Variants in COL6A5 observed in about 807,000 individuals in gnomAD.
The protein encoded by COL6A5 is collagen alpha-5(VI) chain.
A neutral mutation model predicts 65.6 loss-of-function variants in COL6A5; 48 were observed. That is an observed-to-expected ratio of 0.73 (90% CI 0.58 to 0.93). The LOEUF (loss-of-function observed/expected upper bound fraction) is 0.93. Ranked by LOEUF, COL6A5 falls within the 40% of genes least tolerant of loss-of-function variation. The pLI, the probability that COL6A5 is intolerant of heterozygous loss-of-function variation, is 0.00. For missense variants in COL6A5, 914 were observed against 928.3 expected (o/e 0.98, Z 0.20); for synonymous variants, 291 against 322.8 (o/e 0.90, Z 1.05).
chr3:130,457,627 T>C (rs1299070544), intron 5 of COL6A5, among the ~76,000 whole-genome samples: 7 of 152,098 alleles, frequency 4.6e-5, no homozygotes, highest in Non-Finnish European at 1.0e-4. Flanking sequence ...CAGGTTGGGG[T>C]AGCCTGGAAA....
intron 1 of COL6A5, among the ~76,000 whole-genome samples, chr3:130,349,738 CTA>C (rs1164677503): frequency 3.9e-5 from 6 of 152,130 alleles, no homozygotes; most frequent in Non-Finnish European, 8.8e-5. Context: ...AAATATCTCT[CTA>C]GATTATATGA....
At chr3:130,361,189 T>A (rs142573573) in intron 1 of COL6A5, among the ~76,000 whole-genome samples, 1 of 152,236 alleles carries the variant, frequency 6.6e-6, no homozygotes, top group East Asian at 1.9e-4. Context: ...GTATCCATTA[T>A]GATAGGATCA....
At chr3:130,403,582 A>C in intron 12 of COL6A5, 27 bp from the exon 13 acceptor site, 1 of 1,545,612 alleles carries the variant, frequency 6.5e-7, no homozygotes, top group Non-Finnish European at 8.8e-7. Flanking sequence ...GGGTGACTAA[A>C]ATGTATTGTT....
chr3:130,351,870 T>C (rs935907937), intron 1 of COL6A5, among the ~76,000 whole-genome samples: 1 of 151,972 alleles, frequency 6.6e-6, no homozygotes, highest in African/African-American at 2.4e-5. Context: ...ATGTTTATTG[T>C]GGCACTATTC....
At chr3:130,401,782 T>C in exon 12 of COL6A5, 3 of 1,551,538 alleles carry the variant, frequency 1.9e-6, no homozygotes, top group Non-Finnish European at 2.6e-6. Flanking sequence ...CAGAGAGGAC[T>C]TGCTGCTGTA....
intron 4 of COL6A5, among the ~76,000 whole-genome samples, chr3:130,382,762 C>T (rs535409127): frequency 2.0e-5 from 3 of 152,206 alleles, no homozygotes; most frequent in Admixed American, 2.0e-4. Flanking sequence ...ACTAAGTGTT[C>T]AGTTTTTATT....
intron 12 of COL6A5, 106 bp from the exon 13 acceptor site, chr3:130,403,503 C>A: frequency 1.1e-6 from 1 of 944,938 alleles, no homozygotes; most frequent in Non-Finnish European, 1.6e-6. Context: ...GCAGAAACTG[C>A]AACCAAGTTG....
At chr3:130,412,864 T>A (rs1937221098) in intron 20 of COL6A5, among the ~76,000 whole-genome samples, 1 of 152,140 alleles carries the variant, frequency 6.6e-6, no homozygotes, top group South Asian at 2.1e-4. Context: ...AGTTCCAAAA[T>A]AATTTCCATG....
exon 8 of COL6A5, chr3:130,484,534 T>C (rs1710326420): frequency 2.5e-6 from 1 of 399,080 alleles, no homozygotes; most frequent in Admixed American, 4.4e-5. Flanking sequence ...ACATTTCATC[T>C]AGCAGTGATT....
chr3:130,354,092 A>T lies in COL6A5; in HGVS notation c.-29+8111A>T, dbSNP rs1577419075. Among the ~76,000 whole-genome samples the T allele has an allele frequency of 2.7e-5, 4 of 149,154 alleles. 1 individual carries two copies. The South Asian group carries it at 9.8e-4, about 37-fold the overall frequency. ...AAGAAAAGAAAAGAACAAAAAAAGA[A>T]AAGAAGAAAGAGAAAGAAAGGGGAA... On this transcript the variant is annotated intron_variant and NMD_transcript_variant, in intron 1 of 41. Coordinates refer to the COL6A5 transcript ENST00000312481.
chr3:130,417,601 G>A (rs796755660), intron 24 of COL6A5, among the ~76,000 whole-genome samples: 20 of 152,246 alleles, frequency 1.3e-4, no homozygotes, highest in African/African-American at 4.3e-4. Context: ...ACTCAAATCC[G>A]TTGGTGCATG....
chr3:130,396,689 G>C (rs1376082889), intron 8 of COL6A5, among the ~76,000 whole-genome samples: 1 of 152,166 alleles, frequency 6.6e-6, no homozygotes. Context: ...GCTACTCTCA[G>C]CTGGAACTGA....
chr3:130,356,862 G>A (rs1934942269), intron 1 of COL6A5, among the ~76,000 whole-genome samples: 1 of 152,166 alleles, frequency 6.6e-6, no homozygotes. Context: ...TCAGGAAAAT[G>A]CGTTGCCTCA....
At chr3:130,430,939 A>C (rs1391049), upstream of COL6A5, among the ~76,000 whole-genome samples, 12,275 of 152,228 alleles carry the variant, frequency 0.081, 1,077 homozygotes, top group East Asian at 0.32. Flanking sequence ...GTAGGTACTC[A>C]AATATTTGTT....
intron 1 of COL6A5, among the ~76,000 whole-genome samples, chr3:130,351,853 C>T (rs1934726525): frequency 6.6e-6 from 1 of 152,170 alleles, no homozygotes. Context: ...AAGACACATG[C>T]ACACGTATGT....
At chr3:130,425,708 GT>G (rs1252443369) in intron 29 of COL6A5, among the ~76,000 whole-genome samples, 1 of 152,040 alleles carries the variant, frequency 6.6e-6, no homozygotes, top group African/African-American at 2.4e-5. Flanking sequence ...TTTGTGTAAT[GT>G]TTATTTTTCT....
chr3:130,451,810 G>T (rs529798304), intron 4 of COL6A5, among the ~76,000 whole-genome samples: 3 of 152,244 alleles, frequency 2.0e-5, no homozygotes, highest in Admixed American at 6.5e-5. Context: ...AGAGAGGAAG[G>T]TTGAGGAAAA....
chr3:130,470,619 TTA>T (rs1709925602), intron 6 of COL6A5, among the ~76,000 whole-genome samples: 1 of 152,054 alleles, frequency 6.6e-6, no homozygotes, highest in African/African-American at 2.4e-5. Context: ...TAGAAAGAAT[TTA>T]GAGATGTCCT....
upstream of COL6A5, among the ~76,000 whole-genome samples, chr3:130,430,183 C>A (rs1029252494): frequency 7.9e-5 from 12 of 152,186 alleles, no homozygotes; most frequent in Non-Finnish European, 4.4e-5. Context: ...AAGCTCGGTG[C>A]AAGTTTGGAG....
Sources: gnomAD v4.1 joint callset for allele counts (sites outside exome capture counted in the v4.1 genomes callset) on GRCh38, gnomAD v4.1.1 for gene constraint, MANE v1.5 for transcripts, NCBI Gene and HGNC (gene_info 2026-07-23, HGNC 2026-07-21) for gene names.